Variants in ZCCHC7 observed in about 807,000 individuals in gnomAD.
ZCCHC7 encodes the protein zinc finger CCHC domain-containing protein 7.
Under a neutral mutation model 52.0 loss-of-function variants are expected in ZCCHC7, and 35 were observed. The ratio of observed to expected loss-of-function variants is 0.67; its 90% CI spans 0.51 to 0.89. The LOEUF (loss-of-function observed/expected upper bound fraction) is 0.89, where lower values mean the gene tolerates loss of function less well. ZCCHC7 is among the 40% of genes least tolerant of loss of function. The pLI, the probability that ZCCHC7 is intolerant of heterozygous loss-of-function variation, is 0.00. For synonymous variants in ZCCHC7, 217 were observed against 221.5 expected (o/e 0.98, Z 0.18); for missense variants, 574 against 649.1 (o/e 0.88, Z 1.26).
intron 2 of ZCCHC7, among the ~76,000 whole-genome samples, chr9:37,222,130 G>A (rs1296255765): frequency 1.3e-5 from 2 of 151,806 alleles, no homozygotes; most frequent in Admixed American, 6.6e-5. Flanking sequence ...CAAAATAATC[G>A]ATAACCTTGG....
At chr9:37,283,720 A>G (rs1828079141) in intron 2 of ZCCHC7, among the ~76,000 whole-genome samples, 1 of 152,316 alleles carries the variant, frequency 6.6e-6, no homozygotes, top group South Asian at 2.1e-4. Context: ...GACTCTTATA[A>G]AATTATCAGA....
At chr9:37,337,110 C>G (rs1410520254) in intron 6 of ZCCHC7, among the ~76,000 whole-genome samples, 1 of 152,246 alleles carries the variant, frequency 6.6e-6, no homozygotes, top group South Asian at 2.1e-4. Context: ...ATAAGCGGAT[C>G]TATTTCTTTA....
At chr9:37,298,668 G>A (rs1056694830) in intron 2 of ZCCHC7, among the ~76,000 whole-genome samples, 3 of 152,130 alleles carry the variant, frequency 2.0e-5, no homozygotes, top group Non-Finnish European at 4.4e-5. Context: ...TTGGGATGAT[G>A]GAAATGTTCT....
chr9:37,149,793 A>G (rs898196470), intron 2 of ZCCHC7, among the ~76,000 whole-genome samples: 13 of 152,216 alleles, frequency 8.5e-5, no homozygotes, highest in Non-Finnish European at 1.9e-4. Context: ...CAGACTTTAA[A>G]TAAAAATGGG....
chr9:37,324,311 A>G (rs2118080034), intron 5 of ZCCHC7, among the ~76,000 whole-genome samples: 1 of 152,300 alleles, frequency 6.6e-6, no homozygotes, highest in East Asian at 1.9e-4. Context: ...GCAGGGACCC[A>G]AGTCTCCTGG....
intron 2 of ZCCHC7, among the ~76,000 whole-genome samples, chr9:37,300,212 T>G (rs1828967315): frequency 6.6e-6 from 1 of 152,234 alleles, no homozygotes; most frequent in Non-Finnish European, 1.5e-5. Flanking sequence ...TGGAGAGTGG[T>G]AACAGTTGCC....
chr9:37,148,714 CTTT>C (rs976878882), intron 2 of ZCCHC7, among the ~76,000 whole-genome samples: 1 of 151,128 alleles, frequency 6.6e-6, no homozygotes, highest in Non-Finnish European at 1.5e-5. Flanking sequence ...TTCAAGAGAA[CTTT>C]TTTTTTAAGG....
chr9:37,290,786 G>C (rs1828497616), intron 2 of ZCCHC7, among the ~76,000 whole-genome samples: 1 of 152,080 alleles, frequency 6.6e-6, no homozygotes, highest in African/African-American at 2.4e-5. Flanking sequence ...TGGGTACATT[G>C]GACCCTTTTA....
chr9:37,226,291 A>G (rs1825099503), intron 2 of ZCCHC7, among the ~76,000 whole-genome samples: 1 of 152,220 alleles, frequency 6.6e-6, no homozygotes, highest in Admixed American at 6.5e-5. Context: ...AAAAGAATCT[A>G]AATAAATGGA....
chr9:37,150,145 T>C (rs1177928500), intron 2 of ZCCHC7, among the ~76,000 whole-genome samples: 2 of 152,166 alleles, frequency 1.3e-5, no homozygotes, highest in Non-Finnish European at 2.9e-5. Flanking sequence ...TTGGGCTCTT[T>C]TTAGGTTTTT....
rs192315979 is a variant in ZCCHC7 at position 37,208,358 on chromosome 9, T to C, written c.610+81416T>C. Among the ~76,000 whole-genome samples the C allele has an allele frequency of 5.8e-3, 878 of 152,256 alleles. 4 individuals are homozygous for C. Among genetic ancestry groups the C allele is most frequent in the Middle Eastern group, 0.017 (5 of 294 alleles). ...GCCTCGGCCTCCCAAAGTGTTAGGA[T>C]CACAGACGTGAGCCACCACTCCCGG... is the stretch of plus-strand genomic sequence containing the variant. On this transcript the variant is annotated intron_variant, in intron 2 of 8. Coordinates refer to ENST00000336755, the MANE Select transcript of ZCCHC7 (RefSeq NM_032226.3).
In ZCCHC7 at chr9:37,282,438, A is replaced by T. The variant is rs12684678; in HGVS notation, c.611-19750A>T. On this transcript the variant is annotated intron_variant, in intron 2 of 8. Coordinates refer to ENST00000336755, the MANE Select transcript of ZCCHC7 (RefSeq NM_032226.3). ...GCTAACACAGTGAAACCCCGTCTCTACTAAAAATACACAAAAATTAGCCAG... is the reference window on the plus strand; with the variant it reads ...GCTAACACAGTGAAACCCCGTCTCTTCTAAAAATACACAAAAATTAGCCAG... Among the ~76,000 whole-genome samples, 156 of 152,054 alleles carry T rather than the reference A, an allele frequency of 1.0e-3. 2 individuals carry two copies. The East Asian group carries it at 0.03, about 29-fold the overall frequency.
intron 2 of ZCCHC7, among the ~76,000 whole-genome samples, chr9:37,161,060 T>G (rs1215821662): frequency 1.3e-5 from 2 of 151,514 alleles, no homozygotes; most frequent in Non-Finnish European, 2.9e-5. Flanking sequence ...AGCAGTTCTC[T>G]TATCTCAGCC....
intron 2 of ZCCHC7, among the ~76,000 whole-genome samples, chr9:37,244,411 A>G (rs907022523): frequency 7.2e-5 from 11 of 151,940 alleles, no homozygotes; most frequent in African/African-American, 2.7e-4. Context: ...AAATAGCCCA[A>G]TTAATTACAT....
At chr9:37,140,155 C>T (rs1254099719) in intron 2 of ZCCHC7, among the ~76,000 whole-genome samples, 2 of 151,928 alleles carry the variant, frequency 1.3e-5, no homozygotes, top group Non-Finnish European at 2.9e-5. Context: ...CTGTACTAGC[C>T]AGTTTTTAGT....
At position 37,356,823 on chromosome 9, in the gene ZCCHC7, T is replaced by A. The variant is rs1181095898; in HGVS notation, c.1199-12T>A. 6.4e-7 allele frequency: 1 copy of A among 1,570,282 alleles called. No homozygotes were observed. The highest frequency in any genetic ancestry group is 8.6e-7 in the Non-Finnish European group (1 of 1,165,204). ...GCTGCTGAATATGCAAAAATACTTT[T>A]ATATTTTTCAGTACTCAAGAAAAAT... On this transcript the variant is annotated splice_polypyrimidine_tract_variant and intron_variant, in intron 8 of 8. Transcript: ENST00000336755.
chr9:37,253,445 G>A (rs1826427475), intron 2 of ZCCHC7, among the ~76,000 whole-genome samples: 1 of 151,744 alleles, frequency 6.6e-6, no homozygotes, highest in South Asian at 2.1e-4. Flanking sequence ...AGCATTTTAT[G>A]GTTATTATTT....
At chr9:37,194,304 A>G (rs1160406929) in intron 2 of ZCCHC7, among the ~76,000 whole-genome samples, 1 of 152,220 alleles carries the variant, frequency 6.6e-6, no homozygotes, top group Non-Finnish European at 1.5e-5. Flanking sequence ...CAGAGGTCCT[A>G]TAAGAGACTT....
intron 2 of ZCCHC7, among the ~76,000 whole-genome samples, chr9:37,156,235 A>C (rs1260022503): frequency 2.6e-5 from 4 of 152,128 alleles, no homozygotes; most frequent in African/African-American, 9.7e-5. Flanking sequence ...TTTGAATTAA[A>C]TTTCTGTTTT....
Sources: gnomAD v4.1 joint callset for allele counts (sites outside exome capture counted in the v4.1 genomes callset) on GRCh38, gnomAD v4.1.1 for gene constraint, MANE v1.5 for transcripts, NCBI Gene and HGNC (gene_info 2026-07-23, HGNC 2026-07-21) for gene names.